Variants in ADA observed in about 807,000 individuals in gnomAD.
The protein encoded by ADA is adenosine aminohydrolase.
ADA carries 45 observed loss-of-function variants against 49.0 expected under a neutral mutation model. That is an observed-to-expected ratio of 0.92 (90% CI 0.72 to 1.18). ADA has a LOEUF of 1.18. ADA is among the 50% of genes most tolerant of loss of function. The probability of loss-of-function intolerance (pLI) is 0.00; values close to 1 mark genes in which losing one functional copy is unlikely to be tolerated. For missense variants in ADA, 445 were observed against 472.5 expected, an observed-to-expected ratio of 0.94 and a Z score of 0.54; for synonymous variants, 173 against 184.2, an observed-to-expected ratio of 0.94 and a Z score of 0.49.
At chr20:44,625,764 G>A (rs1029387670) in intron 4 of ADA, 80 bp from the exon 5 acceptor site, 27 of 1,225,892 alleles carry the variant, frequency 2.2e-5, no homozygotes, top group Non-Finnish European at 3.1e-5. Flanking sequence ...GACAGAGGAG[G>A]AAGAGGAGGC....
chr20:44,636,951 A>G (rs2065486460), intron 1 of ADA, among the ~76,000 whole-genome samples: 1 of 152,118 alleles, frequency 6.6e-6, no homozygotes, highest in East Asian at 1.9e-4. Flanking sequence ...GACTATAGGC[A>G]GGTGCCACCA....
chr20:44,620,748 T>C, intron 10 of ADA: 1 of 570,762 alleles, frequency 1.8e-6, no homozygotes, highest in East Asian at 3.1e-5. Context: ...ACTTCATAGC[T>C]GCTGCACACA....
rs748944410 is a variant in ADA at position 44,624,372 on chromosome 20, G to A, written c.479-43C>T. ...ACCCAGGCTCTGTCACCAGCACCAT[G>A]GAGAGACCTCCCAGCCTACCTGCCT... On this transcript the variant is annotated intron_variant, in intron 5 of 11. Transcript: ENST00000372874. The A allele has an allele frequency of 3.1e-6, 5 of 1,610,744 alleles. No individual in the cohort carries two copies. The East Asian group carries it at 1.1e-4, about 36-fold the overall frequency.
At position 44,624,195 on chromosome 20, in the gene ADA, G is replaced by T; in HGVS notation, c.606+7C>A. 6.2e-7 allele frequency: 1 copy of T among 1,608,374 alleles called. No individual in the cohort carries two copies. The highest frequency in any genetic ancestry group is 1.1e-5 in the South Asian group (1 of 90,194). ...CCAGCCTCTCCATTCCTTCTCACAGGACCCACCTGGTAGGCCTGGACATGT... is the reference window on the plus strand; with the variant it reads ...CCAGCCTCTCCATTCCTTCTCACAGTACCCACCTGGTAGGCCTGGACATGT... On this transcript the variant is annotated splice_region_variant and intron_variant, in intron 6 of 11. Transcript: ENST00000372874.
At chr20:44,638,716 C>T (rs1389712986) in intron 1 of ADA, among the ~76,000 whole-genome samples, 2 of 152,178 alleles carry the variant, frequency 1.3e-5, no homozygotes, top group Non-Finnish European at 2.9e-5. Context: ...AGGCATTAAG[C>T]AAATGTCACA....
In ADA at chr20:44,625,602, G is replaced by C. The variant is rs121908733; in HGVS notation, c.445C>G (p.Arg149Gly). The C allele has an allele frequency of 6.3e-7, 1 of 1,589,038 alleles. No homozygotes were observed. The highest frequency in any genetic ancestry group is 1.1e-5 in the South Asian group (1 of 87,326). The change falls in exon 5 of 12, where the codon CGG becomes GGG. Residue 149 changes from arginine to glycine, a missense_variant. Coordinates refer to ENST00000372874, the MANE Select transcript of ADA (RefSeq NM_000022.4). ...TGGCGCATGCAGCACAGGATGGACC[G>C]GGCCTTGACCCCGAAGTCTCGCTCC... Reference protein sequence around the residue: ...EGERDFGVKARSILCCMRHQP... With the variant: ...EGERDFGVKAGSILCCMRHQP...
At chr20:44,620,633 G>T in intron 10 of ADA, 1 of 606,168 alleles carries the variant, frequency 1.6e-6, no homozygotes, top group Non-Finnish European at 3.0e-6. Context: ...AGAAACCTTT[G>T]AGAGACAGGG....
chr20:44,634,119 C>T (rs1416984938), intron 2 of ADA, among the ~76,000 whole-genome samples: 1 of 152,208 alleles, frequency 6.6e-6, no homozygotes, highest in East Asian at 1.9e-4. Context: ...TTAGCCCCAC[C>T]CGGCGCTCCC....
At position 44,621,193 on chromosome 20, in the gene ADA, C is replaced by T. The variant is rs746970094; in HGVS notation, c.846-46G>A. 5 of 1,613,186 alleles carry T rather than the reference C, an allele frequency of 3.1e-6. No individual in the cohort carries two copies. The East Asian group carries it at 1.1e-4, about 36-fold the overall frequency. ...GAGAATCAGCCTCCTTTTACTCTTA[C>T]ATAAATAGTCAGAACACATTGACGT... is the stretch of plus-strand genomic sequence containing the variant. On this transcript the variant is annotated intron_variant, in intron 9 of 11. Transcript: ENST00000372874.
intron 5 of ADA, among the ~76,000 whole-genome samples, chr20:44,625,169 G>A (rs527246562): frequency 5.3e-5 from 8 of 152,322 alleles, no homozygotes; most frequent in Non-Finnish European, 7.3e-5. Flanking sequence ...TCTGATCTGC[G>A]TCAGTGACAA....
At chr20:44,651,243 C>G (rs2065642973) in intron 1 of ADA, among the ~76,000 whole-genome samples, 2 of 152,200 alleles carry the variant, frequency 1.3e-5, no homozygotes, top group South Asian at 4.1e-4. Flanking sequence ...CCTGATCATA[C>G]AGCTGAGCTT....
chr20:44,619,965 C>G (rs922453918), intron 11 of ADA, 118 bp from the exon 12 acceptor site: 4 of 1,354,000 alleles, frequency 3.0e-6, no homozygotes, highest in Middle Eastern at 1.8e-4. Context: ...CAAGAAGATG[C>G]CTTGCCAAGA....
chr20:44,629,417 AGTGTGTGTGTGT>A (rs71825229), intron 2 of ADA, among the ~76,000 whole-genome samples: 2 of 150,280 alleles, frequency 1.3e-5, no homozygotes, highest in Non-Finnish European at 3.0e-5. Flanking sequence ...AACAGGTTGA[AGTGTGTGTGTGT>A]GTGTGTGTGT....
intron 2 of ADA, among the ~76,000 whole-genome samples, chr20:44,629,993 GT>G (rs1317421976): frequency 2.0e-5 from 3 of 148,576 alleles, no homozygotes; most frequent in African/African-American, 5.1e-5. Flanking sequence ...TCGAGCCTCA[GT>G]TTCCCCCCCC....
In ADA at chr20:44,641,760, T is replaced by TTTG. The variant is rs1209391001; in HGVS notation, c.34-5475_34-5473dup. Among the ~76,000 whole-genome samples, 37 of 151,336 alleles carry TTTG rather than the reference T, an allele frequency of 2.4e-4. No homozygotes were observed. The Middle Eastern group carries it at 0.01, about 42-fold the overall frequency. On this transcript the variant is annotated intron_variant, in intron 1 of 11. Coordinates refer to ENST00000372874, the MANE Select transcript of ADA (RefSeq NM_000022.4). ...GCTAAAGTATTTATTCATTTATTTATTTGTTGTTGTTGTTTTTTTTTTTTT... is the reference window on the plus strand; with the variant it reads ...GCTAAAGTATTTATTCATTTATTTATTTGTTGTTGTTGTTGTTTTTTTTTTTTT...
chr20:44,631,659 G>C (rs2065434475), intron 2 of ADA, among the ~76,000 whole-genome samples: 1 of 152,174 alleles, frequency 6.6e-6, no homozygotes, highest in Admixed American at 6.5e-5. Flanking sequence ...TCCACCTGCG[G>C]GGGCTCTGCC....
intron 1 of ADA, among the ~76,000 whole-genome samples, chr20:44,644,618 C>G (rs2065571615): frequency 6.6e-6 from 1 of 152,240 alleles, no homozygotes; most frequent in South Asian, 2.1e-4. Context: ...CTGGGCAGTG[C>G]CAGGGTCAGT....
chr20:44,643,652 C>T (rs1600945865), intron 1 of ADA, among the ~76,000 whole-genome samples: 1 of 152,248 alleles, frequency 6.6e-6, no homozygotes, highest in East Asian at 1.9e-4. Context: ...CAGGCCACAC[C>T]CCCTCCCTGG....
intron 1 of ADA, among the ~76,000 whole-genome samples, chr20:44,636,978 G>C (rs2065486962): frequency 6.6e-6 from 1 of 152,022 alleles, no homozygotes; most frequent in Non-Finnish European, 1.5e-5. Context: ...GTTAATTTTT[G>C]TATTTTTAGT....
Sources: gnomAD v4.1 joint callset for allele counts (sites outside exome capture counted in the v4.1 genomes callset) on GRCh38, gnomAD v4.1.1 for gene constraint, MANE v1.5 for transcripts, NCBI Gene and HGNC (gene_info 2026-07-23, HGNC 2026-07-21) for gene names.